Variants in PLA2G4D observed in about 807,000 individuals in gnomAD.
PLA2G4D encodes cytosolic phospholipase A2 delta.
PLA2G4D carries 80 observed loss-of-function variants against 94.4 expected under a neutral mutation model. The ratio of observed to expected loss-of-function variants is 0.85; its 90% CI spans 0.71 to 1.02. The LOEUF (loss-of-function observed/expected upper bound fraction) is 1.02, where lower values mean the gene tolerates loss of function less well. Among genes scored for constraint, PLA2G4D ranks in the 50% least tolerant of loss-of-function variants. The pLI is 0.00. For missense variants in PLA2G4D, 1,050 were observed against 1,034.7 expected (o/e 1.01, Z -0.20); for synonymous variants, 438 against 440.9 (o/e 0.99, Z 0.08).
Position 42,081,790 on chromosome 15 carries a change from C to G in PLA2G4D, c.821+7G>C, listed in dbSNP as rs201547733. 19 of 1,614,224 alleles carry G rather than the reference C, an allele frequency of 1.2e-5. No individual in the cohort carries two copies. The African/African-American group carries it at 2.5e-4, about 22-fold the overall frequency. On this transcript the variant is annotated splice_region_variant and intron_variant, in intron 10 of 19. Transcript: ENST00000290472. Reference sequence around the variant, plus strand: ...TCACTGTCCCCACAGATGTGAATGTCCCTTACCAGCCCTCTGCCTTGAGCT... The same window carrying G: ...TCACTGTCCCCACAGATGTGAATGTGCCTTACCAGCCCTCTGCCTTGAGCT...
Position 42,087,637 on chromosome 15 carries a change from C to T in PLA2G4D, c.109G>A (p.Ala37Thr), listed in dbSNP as rs1890176475. 1 of 1,614,142 alleles carries T rather than the reference C, an allele frequency of 6.2e-7. No homozygotes were observed. The highest frequency in any genetic ancestry group is 2.2e-5 in the East Asian group (1 of 44,874). Residue 37 changes from alanine (A) to threonine (T), a missense_variant, in exon 2 of 20, where the codon GCT becomes ACT. Ala to Thr is a moderately conservative substitution (Grantham distance 58, BLOSUM62 0). Transcript: ENST00000290472. ...RVLEARNLRWADLLSEADPYV... is the reference protein window; with the variant it reads ...RVLEARNLRWTDLLSEADPYV... ...CAGGGCGGTTACTCACACAGGTCAG[C>T]CCAGCGCAGGTTCCGCGCCTCCAGG...
In PLA2G4D at chr15:42,083,630, G is replaced by A. The variant is rs1890084745; in HGVS notation, c.535+86C>T. 3.3e-6 allele frequency: 5 copies of A among 1,496,170 alleles called. No homozygotes were observed. The South Asian group carries it at 5.7e-5, about 17-fold the overall frequency. 92.7% of individuals were successfully genotyped at this position (1,496,170 alleles called of 1,614,324 possible). A position where few individuals can be genotyped will look rare whatever the true frequency, so the allele number is the denominator to read the frequency against. The stretch of plus-strand genomic sequence containing the variant: ...AGAGGCAAGCTCTACCCTGCTGCTG[G>A]CCTCCTGCCCTGCGCAGGCTTCCCA... On this transcript the variant is annotated intron_variant, in intron 7 of 19. Coordinates refer to ENST00000290472, the MANE Select transcript of PLA2G4D (RefSeq NM_178034.4).
At chr15:42,088,993 G>T (rs9920766) in intron 1 of PLA2G4D, among the ~76,000 whole-genome samples, 1 of 152,138 alleles carries the variant, frequency 6.6e-6, no homozygotes, top group Admixed American at 6.5e-5. Flanking sequence ...AAAAAAACCC[G>T]TGCTGGGGCT....
In PLA2G4D at chr15:42,069,903, C is replaced by A. The variant is rs1224408533; in HGVS notation, c.2230+6G>T. 2 of 1,406,724 alleles carry A rather than the reference C, an allele frequency of 1.4e-6. No individual in the cohort carries two copies. The highest frequency in any genetic ancestry group is 3.3e-5 in the South Asian group (2 of 60,416). 87.1% of individuals were successfully genotyped at this position (1,406,724 alleles called of 1,614,324 possible). On this transcript the variant is annotated splice_donor_region_variant and intron_variant, in intron 19 of 19. Transcript: ENST00000290472. The stretch of plus-strand genomic sequence containing the variant: ...CAGCCTGGGTGCTTGGGAGGGGCTG[C>A]CTCACCGGGGGCTGAGTGGTCCTTG...
In PLA2G4D at chr15:42,081,561, G is replaced by A; in HGVS notation, c.875C>T (p.Ala292Val). Reference protein sequence around the residue: ...LGFNLCAEEQAFLSRRKQVVA... With the variant: ...LGFNLCAEEQVFLSRRKQVVA... The stretch of plus-strand genomic sequence containing the variant: ...CACCTGCTTCCTCCTGCTCAGGAAG[G>A]CCTGCTCCTCTGCACAGAGATTGAA... Residue 292 changes from alanine (A) to valine (V), a missense_variant, in exon 11 of 20, where the codon GCC becomes GTC. Physicochemically the swap from Ala to Val is moderately conservative, Grantham distance 64. Transcript: ENST00000290472. The A allele has an allele frequency of 6.2e-7, 1 of 1,614,166 alleles. No homozygotes were observed. The highest frequency in any genetic ancestry group is 8.5e-7 in the Non-Finnish European group (1 of 1,180,018).
chr15:42,086,188 G>T, intron 4 of PLA2G4D, 25 bp downstream of exon 4: 1 of 1,445,290 alleles, frequency 6.9e-7, no homozygotes, highest in Non-Finnish European at 9.3e-7. Flanking sequence ...GGGGCCCACG[G>T]GGACTTCCCC....
intron 1 of PLA2G4D, among the ~76,000 whole-genome samples, chr15:42,089,712 C>T (rs1890217255): frequency 6.6e-6 from 1 of 152,154 alleles, no homozygotes; most frequent in African/African-American, 2.4e-5. Context: ...ATGTCCCGCT[C>T]CAAGACAAGA....
rs774057876 is a variant in PLA2G4D, at chr15:42,086,265, G to A, written c.335C>T (p.Ser112Leu). The A allele has an allele frequency of 1.1e-5, 18 of 1,594,222 alleles. No individual in the cohort carries two copies. In the Admixed American group the frequency reaches 2.0e-4, roughly 18 times the overall value. ...DICFKVLYDI[S>L]EVLPGKLLRK... ...GAGCAGCTTGCCAGGGAGGACTTCT[G>A]AGATGTCATAGAGAACCTTGAAGCA... Residue 112 changes from serine (S) to leucine (L), a missense_variant, in exon 4 of 20, where the codon TCA (serine) becomes TTA (leucine). Coordinates refer to ENST00000290472, the MANE Select transcript of PLA2G4D (RefSeq NM_178034.4).
chr15:42,080,935 G>A, intron 12 of PLA2G4D, 62 bp downstream of exon 12: 1 of 1,567,472 alleles, frequency 6.4e-7, no homozygotes, highest in Non-Finnish European at 8.7e-7. Flanking sequence ...TCCCTCTGGT[G>A]CCCACTCTGC....
chr15:42,074,754 T>G (rs1889886175), intron 13 of PLA2G4D, among the ~76,000 whole-genome samples: 1 of 152,196 alleles, frequency 6.6e-6, no homozygotes, highest in African/African-American at 2.4e-5. Context: ...TAAATACCTG[T>G]TTTTATCTAA....
chr15:42,088,623 C>G (rs562878674), intron 1 of PLA2G4D, among the ~76,000 whole-genome samples: 5 of 152,332 alleles, frequency 3.3e-5, no homozygotes, highest in African/African-American at 1.2e-4. Flanking sequence ...TGAGGTTACT[C>G]AAATCGGTTT....
intron 1 of PLA2G4D, among the ~76,000 whole-genome samples, chr15:42,088,248 C>T (rs1292790696): frequency 1.3e-5 from 2 of 152,224 alleles, no homozygotes; most frequent in Non-Finnish European, 2.9e-5. Context: ...AATGAGGAAA[C>T]TCCAAGAGCA....
At chr15:42,071,407 G>A (rs768641093) in intron 16 of PLA2G4D, 37 bp downstream of exon 16, 18 of 1,583,654 alleles carry the variant, frequency 1.1e-5, no homozygotes, top group South Asian at 6.9e-5. Context: ...AAGGAACAGC[G>A]TCATCCCAGG....
In PLA2G4D at chr15:42,071,863, G is replaced by T. The variant is rs201939272; in HGVS notation, c.1484C>A (p.Ala495Asp). 147 of 1,614,178 alleles carry T rather than the reference G, an allele frequency of 9.1e-5. No individual in the cohort carries two copies. In the East Asian group the frequency reaches 1.4e-3, roughly 15 times the overall value. The stretch of plus-strand genomic sequence containing the variant: ...GCCGAAGAGCTCAGGAGGGACGAAG[G>T]CCCCGTACTTCAGGAAACCGACCTC... The part of the protein sequence containing the change: ...PYEVGFLKYG[A>D]FVPPELFGSE... The change falls in exon 15 of 20, where the codon GCC becomes GAC. Residue 495 changes from alanine (A) to aspartate (D), a missense_variant. Coordinates refer to ENST00000290472, the MANE Select transcript of PLA2G4D (RefSeq NM_178034.4).
At position 42,082,278 on chromosome 15, in the gene PLA2G4D, C is replaced by G; in HGVS notation, c.783+1G>C. ...TTTCCCATCCAGTTGAGGCCACTTA[C>G]ATTTGGAGCAGGAACATCCATAGTC... On this transcript the variant is annotated splice_donor_variant, in intron 9 of 19. Transcript: ENST00000290472. LOFTEE classifies it high-confidence loss of function. 2 of 1,612,538 alleles carry G rather than the reference C, an allele frequency of 1.2e-6. No individual in the cohort carries two copies. Among genetic ancestry groups the G allele is most frequent in the Non-Finnish European group, 1.7e-6 (2 of 1,178,612 alleles).
At position 42,079,519 on chromosome 15, in the gene PLA2G4D, C is replaced by A. The variant is rs1184938050; in HGVS notation, c.1317+18G>T. On this transcript the variant is annotated intron_variant, in intron 13 of 19. Transcript: ENST00000290472. ...GCGGTGCACACACGCGTCTCCCCCA[C>A]GTGCGCAGGCGCCCTACCTGGCCGT... 6.3e-7 allele frequency: 1 copy of A among 1,577,482 alleles called. No homozygotes were observed. The highest frequency in any genetic ancestry group is 8.6e-7 in the Non-Finnish European group (1 of 1,167,734).
Position 42,070,114 on chromosome 15 carries a change from C to A in PLA2G4D, c.2044-19G>T. The A allele has an allele frequency of 6.7e-7, 1 of 1,481,536 alleles. No individual in the cohort carries two copies. Among genetic ancestry groups the A allele is most frequent in the Non-Finnish European group, 8.9e-7 (1 of 1,122,446 alleles). The allele number at this position is 1,481,536 out of a possible 1,614,324, so 91.8% of individuals were successfully genotyped here. ...GCAGTGCCTGGTGGGGAGAAGGTGG[C>A]CCGGAGAGAACCAGCCCGGCCCAGG... On this transcript the variant is annotated intron_variant, in intron 18 of 19. Coordinates refer to ENST00000290472, the MANE Select transcript of PLA2G4D (RefSeq NM_178034.4).
At position 42,072,490 on chromosome 15, in the gene PLA2G4D, G is replaced by A. The variant is rs144141263; in HGVS notation, c.1318-98C>T. 1,816 of 925,554 alleles carry A rather than the reference G, an allele frequency of 2.0e-3. 25 individuals carry two copies. The African/African-American group carries it at 0.025, about 13-fold the overall frequency. The allele number at this position is 925,554 out of a possible 1,614,324, so 57.3% of individuals were successfully genotyped here. ...GGCAGGATGGGGGACCTGGCTGGGGGTGAGGAGGCAGCTCCTCCCGTGGGG... is the reference window on the plus strand; with the variant it reads ...GGCAGGATGGGGGACCTGGCTGGGGATGAGGAGGCAGCTCCTCCCGTGGGG... On this transcript the variant is annotated intron_variant, in intron 13 of 19. Transcript: ENST00000290472.
rs576303647 is a variant in PLA2G4D at position 42,079,597 on chromosome 15, G to A, written c.1257C>T (p.Gly419=). 6.2e-7 allele frequency: 1 copy of A among 1,609,844 alleles called. No homozygotes were observed. Among genetic ancestry groups the A allele is most frequent in the Non-Finnish European group, 8.5e-7 (1 of 1,178,802 alleles). ...ACAGGTCCACAAAGGTCGTGGGGTG[G>A]CCCTGCTCAGCCCGCAGCTCCAGCT... The part of the protein sequence containing the change: ...RRELELRAEQ[G]HPTTFVDLWA... Residue 419 remains glycine (G), a synonymous_variant, in exon 13 of 20, where the codon GGC becomes GGT. Coordinates refer to ENST00000290472, the MANE Select transcript of PLA2G4D (RefSeq NM_178034.4).
Sources: allele counts gnomAD v4.1 joint callset (sites outside exome capture counted in the v4.1 genomes callset), GRCh38; gene constraint gnomAD v4.1.1; transcripts MANE v1.5; gene names NCBI Gene and HGNC (gene_info 2026-07-23, HGNC 2026-07-21).